Variants in AGBL1 observed in about 807,000 individuals in gnomAD.
AGBL1 encodes AGBL carboxypeptidase 1.
AGBL1 carries 130 observed loss-of-function variants against 118.9 expected under a neutral mutation model. The ratio of observed to expected loss-of-function variants is 1.09; its 90% CI spans 0.95 to 1.26. AGBL1 has a LOEUF of 1.26. Ranked by LOEUF, AGBL1 falls within the 50% of genes most tolerant of loss-of-function variation. The pLI, the probability that AGBL1 is intolerant of heterozygous loss-of-function variation, is 0.00. For missense variants in AGBL1, 1,584 were observed against 1,298.1 expected (o/e 1.22, Z -3.38); for synonymous variants, 555 against 478.9 (o/e 1.16, Z -2.08).
intron 18 of AGBL1, among the ~76,000 whole-genome samples, chr15:86,521,703 G>A (rs1385619818): frequency 6.6e-6 from 1 of 152,118 alleles, no homozygotes; most frequent in Non-Finnish European, 1.5e-5. Context: ...TTGTGTACTG[G>A]TTTCTTAGGG....
intron 5 of AGBL1, among the ~76,000 whole-genome samples, chr15:86,190,862 C>T (rs542914511): frequency 2.5e-4 from 38 of 152,206 alleles, no homozygotes; most frequent in African/African-American, 8.7e-4. Context: ...AGCAAGACGG[C>T]GTACAAAAGA....
intron 18 of AGBL1, among the ~76,000 whole-genome samples, chr15:86,467,164 C>T (rs2082417990): frequency 6.6e-6 from 1 of 152,216 alleles, no homozygotes; most frequent in Non-Finnish European, 1.5e-5. Flanking sequence ...TTCAGAGAGG[C>T]CCTGCCCCGA....
intron 18 of AGBL1, among the ~76,000 whole-genome samples, chr15:86,487,976 A>G (rs1055543527): frequency 1.4e-4 from 21 of 152,000 alleles, no homozygotes; most frequent in African/African-American, 5.1e-4. Flanking sequence ...TTTCTTCTCA[A>G]TGAGTGGGGT....
chr15:86,555,037 G>A (rs1190008274), intron 21 of AGBL1, among the ~76,000 whole-genome samples: 9 of 152,164 alleles, frequency 5.9e-5, no homozygotes, highest in African/African-American at 4.8e-5. Context: ...GTGTGTGCAT[G>A]GCGTGGGTCT....
intron 18 of AGBL1, among the ~76,000 whole-genome samples, chr15:86,429,903 G>T (rs1406211665): frequency 6.6e-6 from 1 of 152,140 alleles, no homozygotes; most frequent in Non-Finnish European, 1.5e-5. Flanking sequence ...GTCCACACTG[G>T]CCTGGAGTTC....
chr15:86,156,877 C>T (rs1458386479), intron 4 of AGBL1, among the ~76,000 whole-genome samples: 2 of 150,340 alleles, frequency 1.3e-5, no homozygotes, highest in Non-Finnish European at 2.9e-5. Flanking sequence ...GCAGCCTCTG[C>T]CTCCTGGGTT....
At chr15:86,416,677 TA>T (rs2081700672) in intron 18 of AGBL1, among the ~76,000 whole-genome samples, 1 of 152,196 alleles carries the variant, frequency 6.6e-6, no homozygotes, top group Admixed American at 6.5e-5. Context: ...GACTCAGCCA[TA>T]ATGCATGTAA....
chr15:86,441,540 G>A (rs922232991), intron 18 of AGBL1, among the ~76,000 whole-genome samples: 8 of 152,154 alleles, frequency 5.3e-5, no homozygotes, highest in Admixed American at 5.2e-4. Context: ...ACATAGATAT[G>A]CTTCTAGGAG....
intron 22 of AGBL1, among the ~76,000 whole-genome samples, chr15:86,696,862 A>G (rs1373255501): frequency 6.6e-6 from 1 of 151,974 alleles, no homozygotes; most frequent in African/African-American, 2.4e-5. Flanking sequence ...TATGAAGCTA[A>G]GTTTCACTGG....
At position 86,331,292 on chromosome 15, in the gene AGBL1, A is replaced by G. The variant is rs558792184; in HGVS notation, c.2374+35884A>G. ...TGTAAAGTGACCAAATCTATGAATTATTGGCATAGATAATAATTCTCTCCT... is the reference window on the plus strand; with the variant it reads ...TGTAAAGTGACCAAATCTATGAATTGTTGGCATAGATAATAATTCTCTCCT... On this transcript the variant is annotated intron_variant, in intron 17 of 22. Transcript: ENST00000614907. Among the ~76,000 whole-genome samples the G allele has an allele frequency of 2.0e-5, 3 of 151,768 alleles. No homozygotes were observed. The East Asian group carries it at 5.8e-4, about 29-fold the overall frequency.
In AGBL1 at chr15:86,927,140, A is replaced by AAAAT. The variant is rs143358243; in HGVS notation, c.3222-60824_3222-60821dup. ...GGCGACAGTGTGAGACTCCATCTTA[A>AAAAT]AAATAAATAAATAAATAAATAAATA... On this transcript the variant is annotated intron_variant, in intron 23 of 24. Coordinates refer to the AGBL1 transcript ENST00000441037. Among the ~76,000 whole-genome samples, 130 of 151,588 alleles carry AAAAT rather than the reference A, an allele frequency of 8.6e-4. No homozygotes were observed. In the Middle Eastern group the frequency reaches 0.01, roughly 12 times the overall value.
At chr15:86,180,050 G>C (rs1024527849) in intron 5 of AGBL1, among the ~76,000 whole-genome samples, 1 of 132,984 alleles carries the variant, frequency 7.5e-6, no homozygotes, top group South Asian at 2.3e-4. Flanking sequence ...AATGAAAGAA[G>C]ACATAAATAG....
chr15:86,625,379 G>GTTTTT (rs1199638580), intron 21 of AGBL1, among the ~76,000 whole-genome samples: 1 of 59,472 alleles, frequency 1.7e-5, no homozygotes, highest in African/African-American at 9.0e-5. Context: ...TTTTTTTTTT[G>GTTTTT]TTTTTGTTTT....
intron 22 of AGBL1, among the ~76,000 whole-genome samples, chr15:86,779,295 G>C (rs934987386): frequency 2.6e-5 from 4 of 152,190 alleles, no homozygotes; most frequent in African/African-American, 7.2e-5. Context: ...CCAGTGCCTT[G>C]ATCTTGAACT....
intron 18 of AGBL1, among the ~76,000 whole-genome samples, chr15:86,491,181 G>T (rs1228799518): frequency 6.6e-6 from 1 of 152,076 alleles, no homozygotes; most frequent in Non-Finnish European, 1.5e-5. Context: ...CTCAGTCTGA[G>T]GGTCCAGGGA....
chr15:86,641,516 T>C (rs1197207120), intron 21 of AGBL1, among the ~76,000 whole-genome samples: 1 of 152,178 alleles, frequency 6.6e-6, no homozygotes, highest in African/African-American at 2.4e-5. Flanking sequence ...TCCTGACTTT[T>C]GTGAGAATCA....
intron 21 of AGBL1, among the ~76,000 whole-genome samples, chr15:86,636,501 T>G (rs991185243): frequency 6.6e-6 from 1 of 150,552 alleles, no homozygotes; most frequent in Non-Finnish European, 1.5e-5. Flanking sequence ...ATAGTTTTTT[T>G]TTTTTCTGGA....
At chr15:86,673,339 T>G (rs1228797427) in intron 21 of AGBL1, among the ~76,000 whole-genome samples, 2 of 152,142 alleles carry the variant, frequency 1.3e-5, no homozygotes, top group African/African-American at 4.8e-5. Context: ...AGACCACACA[T>G]TTAGAAACTA....
At chr15:86,787,058 G>A (rs558693258) in intron 22 of AGBL1, among the ~76,000 whole-genome samples, 1 of 152,118 alleles carries the variant, frequency 6.6e-6, no homozygotes, top group East Asian at 1.9e-4. Context: ...TGTTTGAAGG[G>A]TTATTACTGA....
Sources: allele counts gnomAD v4.1 joint callset (sites outside exome capture counted in the v4.1 genomes callset), GRCh38; gene constraint gnomAD v4.1.1; transcripts MANE v1.5; gene names NCBI Gene and HGNC (gene_info 2026-07-23, HGNC 2026-07-21).